PPM1E: variants seen among roughly 807,000 people sequenced by gnomAD.
PPM1E encodes protein phosphatase, Mg2+/Mn2+ dependent 1E.
PPM1E carries 20 observed loss-of-function variants against 65.9 expected under a neutral mutation model. The observed-to-expected ratio is 0.30, with a 90% confidence interval of 0.21 to 0.44. The LOEUF (loss-of-function observed/expected upper bound fraction) is 0.44, where lower values mean the gene tolerates loss of function less well. PPM1E is among the 20% of genes least tolerant of loss of function. The probability of loss-of-function intolerance (pLI) is 1.00; values close to 1 mark genes in which losing one functional copy is unlikely to be tolerated. For missense variants in PPM1E, 713 were observed against 953.1 expected (o/e 0.75, Z 3.32); for synonymous variants, 352 against 374.9 (o/e 0.94, Z 0.70).
At position 58,982,267 on chromosome 17, in the gene PPM1E, T is replaced by C. The variant is rs2031401040; in HGVS notation, c.*1236T>C. 6.6e-6 allele frequency: 1 copy of C among 152,426 alleles called. No individual in the cohort carries two copies. The highest frequency in any genetic ancestry group is 2.1e-4 in the South Asian group (1 of 4,826). The allele number at this position is 152,426 out of a possible 1,614,324, so 9.4% of individuals were successfully genotyped here. A position where few individuals can be genotyped will look rare whatever the true frequency, so the allele number is the denominator to read the frequency against. Reference sequence around the variant, plus strand: ...ATTTGATATTTTGAAACTGTCTGCTTTTTGCTATTTCTGCAGTTTCAAGTT... The same window carrying C: ...ATTTGATATTTTGAAACTGTCTGCTCTTTGCTATTTCTGCAGTTTCAAGTT... On this transcript the variant is annotated 3_prime_UTR_variant, in exon 7 of 7. Coordinates refer to ENST00000308249, the MANE Select transcript of PPM1E (RefSeq NM_014906.5).
intron 1 of PPM1E, among the ~76,000 whole-genome samples, chr17:58,891,213 G>A (rs1240252730): frequency 1.3e-5 from 2 of 152,142 alleles, no homozygotes; most frequent in East Asian, 3.9e-4. Context: ...TGATCTGCCT[G>A]CCTTGGCCTC....
chr17:58,758,654 A>G (rs1198249509), intron 1 of PPM1E, among the ~76,000 whole-genome samples: 1 of 152,230 alleles, frequency 6.6e-6, no homozygotes, highest in Non-Finnish European at 1.5e-5. Flanking sequence ...AAAGTTGGAA[A>G]ATATTTCCGC....
chr17:58,906,870 C>T (rs1437506700), intron 1 of PPM1E, among the ~76,000 whole-genome samples: 2 of 151,972 alleles, frequency 1.3e-5, no homozygotes, highest in African/African-American at 4.8e-5. Context: ...ATAAGCTGTG[C>T]TTTCATTTTC....
intron 1 of PPM1E, among the ~76,000 whole-genome samples, chr17:58,854,790 G>A (rs2050864754): frequency 6.6e-6 from 1 of 152,076 alleles, no homozygotes; most frequent in Non-Finnish European, 1.5e-5. Context: ...ATATGCTGCT[G>A]AATTCTGTTT....
intron 1 of PPM1E, among the ~76,000 whole-genome samples, chr17:58,897,137 G>A (rs556817856): frequency 9.2e-5 from 14 of 152,274 alleles, no homozygotes; most frequent in South Asian, 8.3e-4. Context: ...ACTGCCGGCC[G>A]GGCGCGGTGG....
chr17:58,813,094 T>C (rs1294625802), intron 1 of PPM1E, among the ~76,000 whole-genome samples: 1 of 152,210 alleles, frequency 6.6e-6, no homozygotes, highest in Admixed American at 6.5e-5. Context: ...CAAGATATGA[T>C]GTTCATTATT....
At chr17:58,798,608 T>C (rs1352195002) in intron 1 of PPM1E, among the ~76,000 whole-genome samples, 1 of 151,798 alleles carries the variant, frequency 6.6e-6, no homozygotes, top group Non-Finnish European at 1.5e-5. Flanking sequence ...ATTTTTTTCT[T>C]CTATTGTTAC....
chr17:58,954,697 G>A (rs2029865208), intron 1 of PPM1E, among the ~76,000 whole-genome samples: 2 of 152,058 alleles, frequency 1.3e-5, no homozygotes, highest in South Asian at 4.2e-4. Flanking sequence ...GGCCAACATA[G>A]TAAAACCCCA....
At chr17:58,841,246 G>C (rs2050714717) in intron 1 of PPM1E, among the ~76,000 whole-genome samples, 1 of 152,134 alleles carries the variant, frequency 6.6e-6, no homozygotes, top group African/African-American at 2.4e-5. Context: ...GAGGATGGGA[G>C]GTTAATTCTC....
intron 1 of PPM1E, among the ~76,000 whole-genome samples, chr17:58,795,590 G>C: frequency 6.6e-6 from 1 of 152,184 alleles, no homozygotes; most frequent in East Asian, 1.9e-4. Flanking sequence ...TGTGGTCCCA[G>C]ATACTCGGGA....
chr17:58,855,600 C>A (rs1006823758), intron 1 of PPM1E, among the ~76,000 whole-genome samples: 63 of 152,150 alleles, frequency 4.1e-4, no homozygotes, highest in African/African-American at 1.4e-3. Context: ...AGTATCATAA[C>A]TAGATATGGC....
At chr17:58,778,917 A>G (rs1470014332) in intron 1 of PPM1E, among the ~76,000 whole-genome samples, 4 of 103,750 alleles carry the variant, frequency 3.9e-5, no homozygotes, top group African/African-American at 1.5e-4. Context: ...CTAAATTGAG[A>G]TGATACATAC....
At chr17:58,932,454 G>A (rs144907623) in intron 1 of PPM1E, among the ~76,000 whole-genome samples, 13 of 152,196 alleles carry the variant, frequency 8.5e-5, no homozygotes, top group African/African-American at 3.1e-4. Context: ...AGGCAACAGA[G>A]CAAGACGCTG....
intron 1 of PPM1E, among the ~76,000 whole-genome samples, chr17:58,804,668 T>C (rs886558224): frequency 1.3e-5 from 2 of 152,206 alleles, no homozygotes; most frequent in Non-Finnish European, 2.9e-5. Flanking sequence ...TTATTTGATA[T>C]GAATAAATTT....
chr17:58,982,908 T>G lies in PPM1E; in HGVS notation c.*1877T>G, dbSNP rs756148856. 11 of 1,574,180 alleles carry G rather than the reference T, an allele frequency of 7.0e-6. No individual in the cohort carries two copies. The highest frequency in any genetic ancestry group is 9.5e-6 in the Non-Finnish European group (11 of 1,158,306). On this transcript the variant is annotated 3_prime_UTR_variant, in exon 7 of 7. Coordinates refer to ENST00000308249, the MANE Select transcript of PPM1E (RefSeq NM_014906.5). The stretch of plus-strand genomic sequence containing the variant: ...TAACCCATCAGGTGCAGTGTCAGTT[T>G]CAAATCAAATTATCTAAGAAAACAA...
chr17:58,964,451 A>G (rs1296530967), intron 2 of PPM1E, among the ~76,000 whole-genome samples: 1 of 152,196 alleles, frequency 6.6e-6, no homozygotes, highest in East Asian at 1.9e-4. Flanking sequence ...CTGAGGGTAC[A>G]TGTCTGCCTC....
chr17:58,937,892 A>AAG (rs1555621160), intron 1 of PPM1E, among the ~76,000 whole-genome samples: 1 of 129,774 alleles, frequency 7.7e-6, no homozygotes, highest in Non-Finnish European at 1.6e-5. Flanking sequence ...AAAAAAAAAA[A>AAG]AAAGAAAGAA....
At chr17:58,897,891 G>C (rs1203920284) in intron 1 of PPM1E, 1 of 152,452 alleles carries the variant, frequency 6.6e-6, no homozygotes, top group Non-Finnish European at 1.5e-5. Context: ...GAGGCAGGAA[G>C]ATCATTTGAG....
intron 2 of PPM1E, among the ~76,000 whole-genome samples, chr17:58,958,765 G>T (rs1567888898): frequency 2.0e-5 from 3 of 147,870 alleles, no homozygotes; most frequent in South Asian, 2.1e-4. Flanking sequence ...AATTCCAATG[G>T]TTTTTTTTTT....
Sources: allele counts gnomAD v4.1 joint callset (sites outside exome capture counted in the v4.1 genomes callset), GRCh38; gene constraint gnomAD v4.1.1; transcripts MANE v1.5; gene names NCBI Gene and HGNC (gene_info 2026-07-23, HGNC 2026-07-21).